Variants in OPCML observed in about 807,000 individuals in gnomAD.
OPCML encodes the protein opioid-binding protein/cell adhesion molecule.
Under a neutral mutation model 37.8 loss-of-function variants are expected in OPCML, and 13 were observed. The ratio of observed to expected loss-of-function variants is 0.34; its 90% CI spans 0.22 to 0.55. OPCML has a LOEUF of 0.55. Among genes scored for constraint, OPCML ranks in the 20% least tolerant of loss-of-function variants. The pLI is 0.91. For missense variants in OPCML, 341 were observed against 435.6 expected (o/e 0.78, Z 1.93); for synonymous variants, 176 against 168.8 (o/e 1.04, Z -0.33).
intron 1 of OPCML, among the ~76,000 whole-genome samples, chr11:133,032,896 C>T (rs1167889012): frequency 6.6e-6 from 1 of 152,230 alleles, no homozygotes; most frequent in African/African-American, 2.4e-5. Flanking sequence ...GCTTCTCTGA[C>T]TTCACCAATT....
intron 3 of OPCML, among the ~76,000 whole-genome samples, chr11:132,647,495 A>T (rs1260142184): frequency 6.6e-6 from 1 of 152,252 alleles, no homozygotes; most frequent in Non-Finnish European, 1.5e-5. Flanking sequence ...TGATAATATG[A>T]AACAGTTGAT....
At chr11:133,446,163 A>G (rs1278369170) in intron 1 of OPCML, among the ~76,000 whole-genome samples, 1 of 152,126 alleles carries the variant, frequency 6.6e-6, no homozygotes, top group Non-Finnish European at 1.5e-5. Flanking sequence ...TCTGAACTAC[A>G]CAGTGGTTAT....
At chr11:132,654,401 ATCCTCCCCAAGAGAATG>A in intron 3 of OPCML, among the ~76,000 whole-genome samples, 1 of 150,332 alleles carries the variant, frequency 6.7e-6, no homozygotes. Flanking sequence ...CCAAGAGAAG[ATCCTCCCCAAGAGAATG>A]TCCTCCCCAA....
chr11:133,219,475 C>A (rs138003412), intron 1 of OPCML, among the ~76,000 whole-genome samples: 1 of 152,142 alleles, frequency 6.6e-6, no homozygotes, highest in Non-Finnish European at 1.5e-5. Flanking sequence ...ATTAAATAAC[C>A]ACCTGTGGCA....
chr11:132,646,723 A>G (rs1941169320), intron 3 of OPCML, among the ~76,000 whole-genome samples: 1 of 152,214 alleles, frequency 6.6e-6, no homozygotes, highest in Non-Finnish European at 1.5e-5. Context: ...TGTTTCCATG[A>G]ATAGAAATGC....
chr11:132,830,709 G>A (rs529551549), intron 2 of OPCML, among the ~76,000 whole-genome samples: 7 of 152,300 alleles, frequency 4.6e-5, no homozygotes, highest in East Asian at 1.9e-4. Context: ...GTTTAGGAGC[G>A]GTTGCCTTCC....
chr11:132,495,125 A>T (rs2137089128), intron 4 of OPCML, among the ~76,000 whole-genome samples: 1 of 150,586 alleles, frequency 6.6e-6, no homozygotes, highest in African/African-American at 2.4e-5. Flanking sequence ...CACTTAGATT[A>T]TTCTAATTCA....
intron 1 of OPCML, among the ~76,000 whole-genome samples, chr11:133,447,146 A>C (rs1946489018): frequency 6.6e-6 from 1 of 152,166 alleles, no homozygotes; most frequent in African/African-American, 2.4e-5. Context: ...ACCATTTTGC[A>C]TTCTCACTAG....
intron 1 of OPCML, among the ~76,000 whole-genome samples, chr11:133,447,331 G>T (rs991616135): frequency 6.6e-6 from 1 of 152,128 alleles, no homozygotes; most frequent in Middle Eastern, 3.2e-3. Context: ...GTTCTTTGAA[G>T]AGATACCTAT....
At chr11:132,984,830 C>T (rs1591880058) in intron 1 of OPCML, among the ~76,000 whole-genome samples, 1 of 152,136 alleles carries the variant, frequency 6.6e-6, no homozygotes, top group Admixed American at 6.5e-5. Context: ...GCATTTTCAC[C>T]CCAGTAGTGT....
chr11:132,857,858 G>A (rs770589261), intron 2 of OPCML, among the ~76,000 whole-genome samples: 5 of 152,084 alleles, frequency 3.3e-5, no homozygotes, highest in Non-Finnish European at 7.4e-5. Context: ...AAGCTCTTTG[G>A]AATCCTCAAC....
At chr11:133,229,270 A>G (rs1167554171) in intron 1 of OPCML, among the ~76,000 whole-genome samples, 1 of 152,176 alleles carries the variant, frequency 6.6e-6, no homozygotes, top group East Asian at 1.9e-4. Flanking sequence ...TATTTCTTAA[A>G]TACGGTAGTC....
intron 7 of OPCML, 77 bp from the exon 8 acceptor site, chr11:132,420,370 A>C (rs1458229891): frequency 6.4e-7 from 1 of 1,556,868 alleles, no homozygotes; most frequent in African/African-American, 1.4e-5. Flanking sequence ...AAGCAAATAC[A>C]CATACATGCT....
chr11:133,142,827 T>C (rs1949843699), intron 1 of OPCML, among the ~76,000 whole-genome samples: 1 of 152,026 alleles, frequency 6.6e-6, no homozygotes, highest in African/African-American at 2.4e-5. Context: ...TTTCCCCAAG[T>C]GCAAGGACTA....
intron 1 of OPCML, among the ~76,000 whole-genome samples, chr11:133,469,526 T>A (rs1947057285): frequency 6.6e-6 from 1 of 152,220 alleles, no homozygotes; most frequent in Non-Finnish European, 1.5e-5. Flanking sequence ...TTCACCCTAC[T>A]CCAGCCTCAG....
chr11:133,459,651 T>A lies in OPCML; in HGVS notation c.61+72613A>T, dbSNP rs148964789. On this transcript the variant is annotated intron_variant, in intron 1 of 7. Coordinates refer to ENST00000524381, the MANE Select transcript of OPCML (RefSeq NM_001012393.5). ...CAAGAGACAAAGAATGATTATTATA[T>A]AATGATAAAAGGGTTAATTTGCCAA... Among the ~76,000 whole-genome samples, 193 of 152,188 alleles carry A rather than the reference T, an allele frequency of 1.3e-3. 1 individual carries two copies. The highest frequency in any genetic ancestry group is 9.2e-3 in the Admixed American group (141 of 15,276).
chr11:133,502,382 T>G (rs891443601), intron 1 of OPCML, among the ~76,000 whole-genome samples: 1 of 152,180 alleles, frequency 6.6e-6, no homozygotes, highest in Non-Finnish European at 1.5e-5. Flanking sequence ...CAGTCCATGC[T>G]GTTCTCGTAC....
intron 1 of OPCML, among the ~76,000 whole-genome samples, chr11:133,307,644 G>A (rs913967649): frequency 1.3e-5 from 2 of 152,128 alleles, no homozygotes; most frequent in South Asian, 4.1e-4. Context: ...GGAGACTGGG[G>A]CAAGAGCAAC....
chr11:133,377,173 G>C (rs997198076), intron 1 of OPCML, among the ~76,000 whole-genome samples: 1 of 152,128 alleles, frequency 6.6e-6, no homozygotes, highest in South Asian at 2.1e-4. Flanking sequence ...GAGGGCACAG[G>C]GGGTGAGATT....
Sources: gnomAD v4.1 joint callset for allele counts (sites outside exome capture counted in the v4.1 genomes callset) on GRCh38, gnomAD v4.1.1 for gene constraint, MANE v1.5 for transcripts, NCBI Gene and HGNC (gene_info 2026-07-23, HGNC 2026-07-21) for gene names.